The following CHRNA10 variants were observed in gnomAD, a reference collection of about 807,000 sequenced individuals.
The protein encoded by CHRNA10 is neuronal acetylcholine receptor subunit alpha-10.
CHRNA10 carries 31 observed loss-of-function variants against 36.0 expected under a neutral mutation model. The ratio of observed to expected loss-of-function variants is 0.86; its 90% CI spans 0.65 to 1.16. The LOEUF (loss-of-function observed/expected upper bound fraction) is 1.16, where lower values mean the gene tolerates loss of function less well. Ranked by LOEUF, CHRNA10 falls within the 50% of genes most tolerant of loss-of-function variation. CHRNA10 has a pLI of 0.00. For synonymous variants in CHRNA10, 302 were observed against 287.0 expected (o/e 1.05, Z -0.53); for missense variants, 648 against 640.9 (o/e 1.01, Z -0.12).
rs2077669581 is a variant in CHRNA10, at chr11:3,667,247, T to C, written c.880A>G (p.Ser294Gly). The change falls in exon 4 of 5, where the codon AGC (serine) becomes GGC (glycine). Residue 294 changes from serine (S) to glycine (G), a missense_variant. Physicochemically the swap from Ser to Gly is moderately conservative, Grantham distance 56. Coordinates refer to ENST00000250699, the MANE Select transcript of CHRNA10 (RefSeq NM_020402.4). ...LLAESMPPAE[S>G]VPLIGKYYMA... is the part of the protein sequence containing the mutation. ...CGCTGCTCACCGATGAGCGGCACGC[T>C]CTCGGCCGGTGGCATGCTCTCGGCC... 6.3e-7 allele frequency: 1 copy of C among 1,588,000 alleles called. No homozygotes were observed. Among genetic ancestry groups the C allele is most frequent in the Non-Finnish European group, 8.5e-7 (1 of 1,174,944 alleles).
chr11:3,669,962 G>A (rs1446858051), intron 1 of CHRNA10, 21 bp from the exon 2 acceptor site: 1 of 1,613,948 alleles, frequency 6.2e-7, no homozygotes. Context: ...AGTAAGGAGG[G>A]TTGTCCATCC....
chr11:3,670,555 C>A (rs1178110479), intron 1 of CHRNA10, among the ~76,000 whole-genome samples: 1 of 152,186 alleles, frequency 6.6e-6, no homozygotes, highest in African/African-American at 2.4e-5. Context: ...TTCCCACAGG[C>A]ACCTTCAACT....
chr11:3,667,638 G>C lies in CHRNA10; in HGVS notation c.489C>G (p.Phe163Leu). Reference sequence around the variant, plus strand: ...ACGTCAGGCCGCAGTGCTGGGCGTCGAACGGGAAGGCTGCTACATCCACGC... The same window carrying C: ...ACGTCAGGCCGCAGTGCTGGGCGTCCAACGGGAAGGCTGCTACATCCACGC... Reference protein sequence around the residue: ...SCRVDVAAFPFDAQHCGLTFG... With the variant: ...SCRVDVAAFPLDAQHCGLTFG... The change falls in exon 4 of 5, where the codon TTC (phenylalanine) becomes TTG (leucine). Residue 163 changes from phenylalanine to leucine, a missense_variant. By Grantham distance (22) the Phe-to-Leu change is conservative (BLOSUM62 0). Transcript: ENST00000250699. The C allele has an allele frequency of 1.3e-6, 2 of 1,558,126 alleles. No individual in the cohort carries two copies. The highest frequency in any genetic ancestry group is 1.8e-5 in the Admixed American group (1 of 54,174).
rs76101217 is a variant in CHRNA10, at chr11:3,666,454, C to T, written c.1006G>A (p.Ala336Thr). 6.2e-7 allele frequency: 1 copy of T among 1,613,598 alleles called. No individual in the cohort carries two copies. Among genetic ancestry groups the T allele is most frequent in the African/African-American group, 1.3e-5 (1 of 74,940 alleles). ...GPSVRPVPAW[A>T]RALLLGHLAR... ...AGGTGTCCCAGCAGGAGGGCCCTAG[C>T]CCAGGCTGGCACTGGGCGGACACTG... The change falls in exon 5 of 5, where the codon GCT becomes ACT. Residue 336 changes from alanine to threonine, a missense_variant. Physicochemically the swap from Ala to Thr is moderately conservative, Grantham distance 58. Transcript: ENST00000250699.
intron 4 of CHRNA10, among the ~76,000 whole-genome samples, chr11:3,666,782 G>C (rs563195371): frequency 2.0e-5 from 3 of 152,090 alleles, no homozygotes; most frequent in Non-Finnish European, 4.4e-5. Context: ...AATTGCTCCC[G>C]TCACTGCTGG....
intron 3 of CHRNA10, 101 bp from the exon 4 acceptor site, chr11:3,667,865 A>G: frequency 9.6e-7 from 1 of 1,038,226 alleles, no homozygotes; most frequent in Non-Finnish European, 1.3e-6. Context: ...GAAAGAAACC[A>G]AAACTTCTCC....
Position 3,669,403 on chromosome 11 carries a change from C to G in CHRNA10, c.208-53G>C, listed in dbSNP as rs1451681374. On this transcript the variant is annotated intron_variant, in intron 2 of 4. Transcript: ENST00000250699. Reference sequence around the variant, plus strand: ...GTGGACATGTATATGCATATCCTGCCCTGTCTGTGCACACTCCCCTGCAGG... The same window carrying G: ...GTGGACATGTATATGCATATCCTGCGCTGTCTGTGCACACTCCCCTGCAGG... 10 of 1,584,408 alleles carry G rather than the reference C, an allele frequency of 6.3e-6. No homozygotes were observed. The East Asian group carries it at 2.2e-4, about 35-fold the overall frequency.
intron 1 of CHRNA10, among the ~76,000 whole-genome samples, chr11:3,670,795 G>C (rs1052533105): frequency 6.6e-6 from 1 of 152,136 alleles, no homozygotes. Flanking sequence ...GCGAAACATC[G>C]TCTTGAGTCT....
At position 3,667,366 on chromosome 11, in the gene CHRNA10, G is replaced by T; in HGVS notation, c.761C>A (p.Ala254Glu). The change falls in exon 4 of 5, where the codon GCG becomes GAG. Residue 254 changes from alanine to glutamate, a missense_variant. Coordinates refer to ENST00000250699, the MANE Select transcript of CHRNA10 (RefSeq NM_020402.4). The part of the protein sequence containing the change: ...LLPCVLISLL[A>E]PLAFHLPADS... ...GGCAGGCAGGTGGAAGGCGAGCGGC[G>T]CAAGCAGCGAGATGAGCACGCAGGG... 3 of 1,601,370 alleles carry T rather than the reference G, an allele frequency of 1.9e-6. No homozygotes were observed. The highest frequency in any genetic ancestry group is 2.5e-6 in the Non-Finnish European group (3 of 1,178,550).
intron 3 of CHRNA10, chr11:3,668,840 T>C (rs561994327): frequency 1.6e-5 from 3 of 182,120 alleles, no homozygotes; most frequent in African/African-American, 7.1e-5. Context: ...CATAAAGCAG[T>C]GTTCCAGAGG....
Position 3,669,812 on chromosome 11 carries a change from G to A in CHRNA10, c.191C>T (p.Ser64Phe). Residue 64 changes from serine (S) to phenylalanine (F), a missense_variant, in exon 2 of 5, where the codon TCC becomes TTC. By Grantham distance (155) the Ser-to-Phe change is radical (BLOSUM62 -2). Transcript: ENST00000250699. ...ACAACGCACCATGTCGATGATCTGGGACAGTGTCACCTCCAGGGTCACATT... is the reference window on the plus strand; with the variant it reads ...ACAACGCACCATGTCGATGATCTGGAACAGTGTCACCTCCAGGGTCACATT... ...TLNVTLEVTL[S>F]QIIDMDERNQ... 6.2e-7 allele frequency: 1 copy of A among 1,614,184 alleles called. No homozygotes were observed. Among genetic ancestry groups the A allele is most frequent in the Non-Finnish European group, 8.5e-7 (1 of 1,180,026 alleles).
intron 1 of CHRNA10, among the ~76,000 whole-genome samples, chr11:3,670,522 T>C (rs188707506): frequency 5.9e-5 from 9 of 152,204 alleles, no homozygotes; most frequent in South Asian, 2.1e-4. Context: ...CAGACCCCAA[T>C]AGAGTACAGT....
Position 3,667,266 on chromosome 11 carries a change from C to T in CHRNA10, c.861G>A (p.Glu287=). 1 of 1,595,296 alleles carries T rather than the reference C, an allele frequency of 6.3e-7. No individual in the cohort carries two copies. Among genetic ancestry groups the T allele is most frequent in the Non-Finnish European group, 8.5e-7 (1 of 1,177,786 alleles). Residue 287 remains glutamate, a synonymous_variant, in exon 4 of 5, where the codon GAG becomes GAA. Transcript: ENST00000250699. ...GCACGCTCTCGGCCGGTGGCATGCT[C>T]TCGGCCAGCAGCAACTGGAAGACGG... ...ALTVFQLLLA[E]SMPPAESVPL...
In CHRNA10 at chr11:3,665,821, C is replaced by G. The variant is rs1174552347; in HGVS notation, c.*286G>C. The G allele has an allele frequency of 5.8e-6, 2 of 347,222 alleles. No individual in the cohort carries two copies. The highest frequency in any genetic ancestry group is 8.6e-5 in the Admixed American group (2 of 23,330). The allele number at this position is 347,222 out of a possible 1,614,324, so 21.5% of individuals were successfully genotyped here. On this transcript the variant is annotated 3_prime_UTR_variant, in exon 5 of 5. Transcript: ENST00000250699. ...GTGCTCCCCACTGAGAGCTCCAATA[C>G]CCAGCACAAACAATTCTGTCCCTCC... is the stretch of plus-strand genomic sequence containing the variant.
intron 1 of CHRNA10, among the ~76,000 whole-genome samples, chr11:3,670,491 C>T (rs1215477731): frequency 1.3e-5 from 2 of 152,092 alleles, no homozygotes; most frequent in Admixed American, 1.3e-4. Flanking sequence ...TTTCTTCATC[C>T]CAGATTTTTC....
chr11:3,667,976 G>A (rs1289776788), intron 3 of CHRNA10, among the ~76,000 whole-genome samples: 1 of 152,206 alleles, frequency 6.6e-6, no homozygotes, highest in African/African-American at 2.4e-5. Flanking sequence ...GCCCTTCCTT[G>A]CTGGAGTCAG....
At chr11:3,667,009 C>T (rs1392208350) in intron 4 of CHRNA10, among the ~76,000 whole-genome samples, 2 of 152,204 alleles carry the variant, frequency 1.3e-5, no homozygotes, top group African/African-American at 4.8e-5. Context: ...TCATTAGGAT[C>T]TGGGGATACT....
rs1327506288 is a variant in CHRNA10, at chr11:3,666,579, G to T, written c.896-15C>A. On this transcript the variant is annotated splice_polypyrimidine_tract_variant and intron_variant, in intron 4 of 4. Transcript: ENST00000250699. ...GTAGTACTTCCCTGCAAGAGAGAGAGAAAGCCAATTGACTCAAAACAAAAG... is the reference window on the plus strand; with the variant it reads ...GTAGTACTTCCCTGCAAGAGAGAGATAAAGCCAATTGACTCAAAACAAAAG... 5 of 1,512,072 alleles carry T rather than the reference G, an allele frequency of 3.3e-6. No homozygotes were observed. The highest frequency in any genetic ancestry group is 2.7e-6 in the Non-Finnish European group (3 of 1,128,016). The allele number at this position is 1,512,072 out of a possible 1,614,324, so 93.7% of individuals were successfully genotyped here.
rs752128056 is a variant in CHRNA10, at chr11:3,667,707, G to A, written c.420C>T (p.Gly140=). 44 of 1,573,664 alleles carry A rather than the reference G, an allele frequency of 2.8e-5. No homozygotes were observed. Among genetic ancestry groups the A allele is most frequent in the African/African-American group, 1.4e-4 (10 of 73,378 alleles). Reference sequence around the variant, plus strand: ...TGGCCGGCGCGTCCCAGCGCACGGCGCCATCGTGGCGCAGGACCACGTTGG... The same window carrying A: ...TGGCCGGCGCGTCCCAGCGCACGGCACCATCGTGGCGCAGGACCACGTTGG... The part of the protein sequence containing the change: ...ASTNVVLRHD[G]AVRWDAPAIT... The change falls in exon 4 of 5, where the codon GGC becomes GGT. Residue 140 remains glycine, a synonymous_variant. Coordinates refer to ENST00000250699, the MANE Select transcript of CHRNA10 (RefSeq NM_020402.4).
Sources: allele counts gnomAD v4.1 joint callset (sites outside exome capture counted in the v4.1 genomes callset), GRCh38; gene constraint gnomAD v4.1.1; transcripts MANE v1.5; gene names NCBI Gene and HGNC (gene_info 2026-07-23, HGNC 2026-07-21).